The following MYO18B variants were observed in gnomAD, a reference collection of about 807,000 sequenced individuals.
MYO18B encodes the protein myosin XVIIIB, also known as unconventional myosin-XVIIIb.
MYO18B carries 204 observed loss-of-function variants against 273.0 expected under a neutral mutation model. The observed-to-expected ratio is 0.75, with a 90% CI of 0.67 to 0.84. The LOEUF is 0.84. MYO18B is among the 40% of genes least tolerant of loss of function. The pLI is 0.00. For missense variants in MYO18B, 3,212 were observed against 3,287.6 expected, an observed-to-expected ratio of 0.98 and a Z score of 0.56; for synonymous variants, 1,330 against 1,305.7, an observed-to-expected ratio of 1.02 and a Z score of -0.40.
chr22:25,845,951 G>C, intron 18 of MYO18B, 149 bp from the exon 19 acceptor site: 1 of 651,686 alleles, frequency 1.5e-6, no homozygotes, highest in Non-Finnish European at 2.4e-6. Flanking sequence ...GTGAATGAAG[G>C]GGAGCAGCTG....
intron 17 of MYO18B, among the ~76,000 whole-genome samples, chr22:25,836,080 G>C (rs1238338781): frequency 1.3e-5 from 2 of 152,172 alleles, no homozygotes; most frequent in Non-Finnish European, 2.9e-5. Flanking sequence ...GAAGTGTTTA[G>C]CAGGTAAAGT....
At chr22:25,756,693 C>T (rs1467156069) in intron 1 of MYO18B, 1 of 152,266 alleles carries the variant, frequency 6.6e-6, no homozygotes, top group African/African-American at 2.4e-5. Flanking sequence ...ACTGCCTAAG[C>T]AGCCTTCATC....
chr22:25,770,151 G>C lies in MYO18B; in HGVS notation c.1554G>C (p.Leu518=). The change falls in exon 5 of 44, where the codon CTG becomes CTC. Residue 518 remains leucine, a synonymous_variant. Transcript: ENST00000335473. The part of the protein sequence containing the change: ...DRWYEAEKVW[L]AQKDGFTLAT... ...GGTATGAGGCAGAGAAAGTCTGGCT[G>C]GCTCAGAAGGATGGATTTACTCTTG... The C allele has an allele frequency of 6.2e-7, 1 of 1,613,970 alleles. No homozygotes were observed. Among genetic ancestry groups the C allele is most frequent in the Non-Finnish European group, 8.5e-7 (1 of 1,179,878 alleles).
At chr22:25,848,417 C>T (rs1441584499) in intron 20 of MYO18B, among the ~76,000 whole-genome samples, 1 of 152,102 alleles carries the variant, frequency 6.6e-6, no homozygotes, top group African/African-American at 2.4e-5. Flanking sequence ...GAACATTAGG[C>T]AGAGGGATCA....
rs773453466 is a variant in MYO18B, at chr22:25,950,383, G to A, written c.5765G>A (p.Gly1922Glu). The change falls in exon 37 of 44, where the codon GGG becomes GAG. Residue 1922 changes from glycine to glutamate, a missense_variant. Physicochemically the swap from Gly to Glu is moderately conservative, Grantham distance 98. Coordinates refer to ENST00000335473, the MANE Select transcript of MYO18B (RefSeq NM_032608.7). Reference protein sequence around the residue: ...DLIAQSAADIGQIQELQLQLE... With the variant: ...DLIAQSAADIEQIQELQLQLE... ...TCTCACCAGTCTGCTGCTGACATTG[G>A]GCAGATCCAAGAACTGCAGCTGCAG... is the stretch of plus-strand genomic sequence containing the variant. 1 of 1,604,686 alleles carries A rather than the reference G, an allele frequency of 6.2e-7. No individual in the cohort carries two copies. Among genetic ancestry groups the A allele is most frequent in the Admixed American group, 1.7e-5 (1 of 58,986 alleles).
chr22:25,902,152 T>G (rs2091950832), intron 29 of MYO18B, among the ~76,000 whole-genome samples: 1 of 152,092 alleles, frequency 6.6e-6, no homozygotes, highest in African/African-American at 2.4e-5. Flanking sequence ...TTAAAATATA[T>G]CCTTTATTCT....
chr22:26,063,162 A>G, the MYO18B span, among the ~76,000 whole-genome samples: 5 of 152,148 alleles, frequency 3.3e-5, no homozygotes, highest in Non-Finnish European at 7.4e-5. Flanking sequence ...CTAGAAAACA[A>G]CATATGTTGA....
intron 15 of MYO18B, 91 bp downstream of exon 15, chr22:25,829,059 C>A: frequency 7.2e-7 from 1 of 1,380,658 alleles, no homozygotes; most frequent in Admixed American, 2.1e-5. Context: ...TCCCCAGGAG[C>A]CTGCAGCTTC....
intron 21 of MYO18B, among the ~76,000 whole-genome samples, chr22:25,857,319 A>G (rs2090601626): frequency 6.6e-6 from 1 of 152,200 alleles, no homozygotes; most frequent in Admixed American, 6.5e-5. Context: ...CCTCCCCGCA[A>G]AGTGTCTACA....
At chr22:26,012,965 A>G (rs934875605) in intron 42 of MYO18B, among the ~76,000 whole-genome samples, 1 of 152,180 alleles carries the variant, frequency 6.6e-6, no homozygotes, top group Non-Finnish European at 1.5e-5. Flanking sequence ...CCTTGTGCCC[A>G]TTCAAGCCAC....
rs2086617259 is a variant in MYO18B, at chr22:25,769,035, G to A, written c.1119G>A (p.Glu373=). ...TGGGGGACGATCTGAGAATGGGGGA[G>A]AAAGCAGGTGAGCTTCGGAGCACGA... is the stretch of plus-strand genomic sequence containing the variant. ...GELGDDLRMG[E]KAGELRSTTG... is the part of the protein sequence containing the mutation. Residue 373 remains glutamate, a synonymous_variant, in exon 4 of 44, where the codon GAG becomes GAA. Coordinates refer to ENST00000335473, the MANE Select transcript of MYO18B (RefSeq NM_032608.7). 1 of 1,611,640 alleles carries A rather than the reference G, an allele frequency of 6.2e-7. No homozygotes were observed. The highest frequency in any genetic ancestry group is 1.3e-5 in the African/African-American group (1 of 74,896).
chr22:26,001,572 T>C (rs920451047), intron 40 of MYO18B, among the ~76,000 whole-genome samples: 2 of 152,202 alleles, frequency 1.3e-5, no homozygotes, highest in African/African-American at 4.8e-5. Flanking sequence ...CTGTCTTCCC[T>C]CCTTCCTGTC....
At chr22:25,835,113 A>C (rs1440981336) in intron 16 of MYO18B, among the ~76,000 whole-genome samples, 183 bp from the exon 17 acceptor site, 1 of 152,154 alleles carries the variant, frequency 6.6e-6, no homozygotes, top group East Asian at 1.9e-4. Flanking sequence ...TGCAAATGAG[A>C]GGTTGCTATA....
intron 42 of MYO18B, among the ~76,000 whole-genome samples, chr22:26,020,757 A>G (rs1935745798): frequency 6.6e-6 from 1 of 152,138 alleles, no homozygotes; most frequent in African/African-American, 2.4e-5. Flanking sequence ...GGGCAGTGTC[A>G]TTCTCACTCT....
chr22:26,003,818 T>A (rs1266735741), intron 41 of MYO18B, among the ~76,000 whole-genome samples: 1 of 152,104 alleles, frequency 6.6e-6, no homozygotes, highest in Non-Finnish European at 1.5e-5. Flanking sequence ...AAATCAAGGC[T>A]CCCTCTTTGA....
chr22:25,971,409 CAT>C (rs1411387833), intron 39 of MYO18B, among the ~76,000 whole-genome samples: 1 of 152,218 alleles, frequency 6.6e-6, no homozygotes, highest in African/African-American at 2.4e-5. Context: ...ATGTTTTGCA[CAT>C]GTTAAGTGGT....
chr22:25,756,018 C>T (rs1267891032), intron 1 of MYO18B, among the ~76,000 whole-genome samples: 1 of 152,156 alleles, frequency 6.6e-6, no homozygotes, highest in Admixed American at 6.5e-5. Flanking sequence ...TTGCCTCAGC[C>T]TCCCCAGTAG....
In MYO18B at chr22:25,743,027, G is replaced by C. The variant is rs565411400; in HGVS notation, c.-110+734G>C. ...AGAGGAGAAGACCTCACCAGCTACA[G>C]GCCTCTGGGCTGCTGCCTTCCTGCA... On this transcript the variant is annotated intron_variant, in intron 1 of 43. Coordinates refer to ENST00000335473, the MANE Select transcript of MYO18B (RefSeq NM_032608.7). Among the ~76,000 whole-genome samples, 5 of 152,366 alleles carry C rather than the reference G, an allele frequency of 3.3e-5. No homozygotes were observed. In the East Asian group the frequency reaches 9.6e-4, roughly 29 times the overall value.
Position 25,769,946 on chromosome 22 carries a change from G to C in MYO18B, c.1513-164G>C, listed in dbSNP as rs56044507. The stretch of plus-strand genomic sequence containing the variant: ...GATCTCGGCTCCACCTCCCGGGTCC[G>C]CAACGGGAATCTGCATTTAAATAAG... On this transcript the variant is annotated intron_variant, in intron 4 of 43. Transcript: ENST00000335473. 9.2e-3 allele frequency: 6,178 copies of C among 670,210 alleles called. 252 individuals carry two copies. The African/African-American group carries it at 0.096, about 10-fold the overall frequency. The allele number at this position is 670,210 out of a possible 1,614,324, so 41.5% of individuals were successfully genotyped here.
Sources: gnomAD v4.1 joint callset for allele counts (sites outside exome capture counted in the v4.1 genomes callset) on GRCh38, gnomAD v4.1.1 for gene constraint, MANE v1.5 for transcripts, NCBI Gene and HGNC (gene_info 2026-07-23, HGNC 2026-07-21) for gene names.